Variants in IL1RAPL2 observed in about 807,000 individuals in gnomAD.
The protein encoded by IL1RAPL2 is interleukin 1 receptor accessory protein like 2.
Under a neutral mutation model 44.1 loss-of-function variants are expected in IL1RAPL2, and 3 were observed. That is an observed-to-expected ratio of 0.07 (90% CI 0.03 to 0.18). The LOEUF is 0.18. IL1RAPL2 is among the 10% of genes least tolerant of loss of function. The pLI, the probability that IL1RAPL2 is intolerant of heterozygous loss-of-function variation, is 1.00. For synonymous variants in IL1RAPL2, 181 were observed against 178.8 expected, an observed-to-expected ratio of 1.01 and a Z score of -0.10; for missense variants, 391 against 496.4, an observed-to-expected ratio of 0.79 and a Z score of 2.02.
chrX:105,545,429 A>G (rs1010909937), intron 6 of IL1RAPL2, among the ~76,000 whole-genome samples: 1 of 112,462 alleles, frequency 8.9e-6, no homozygotes, highest in Non-Finnish European at 1.9e-5. Flanking sequence ...AAAGAAAGTG[A>G]CTATTAACCA....
intron 2 of IL1RAPL2, among the ~76,000 whole-genome samples, chrX:104,849,726 C>A (rs965594114): frequency 2.7e-5 from 3 of 110,370 alleles, no homozygotes; most frequent in Non-Finnish European, 5.7e-5. Context: ...AATATGTTGA[C>A]AATTTTGAAT....
chrX:105,076,660 A>T (rs765804971), intron 2 of IL1RAPL2, among the ~76,000 whole-genome samples: 1 of 111,052 alleles, frequency 9.0e-6, no homozygotes, highest in African/African-American at 3.3e-5. Flanking sequence ...ATCTCCCATT[A>T]TTATTGTGTG....
chrX:105,276,234 C>T (rs1017098397), intron 5 of IL1RAPL2, among the ~76,000 whole-genome samples: 1 of 111,495 alleles, frequency 9.0e-6, no homozygotes, highest in Non-Finnish European at 1.9e-5. Flanking sequence ...GGAGAAACCC[C>T]ATCTCTACTA....
At chrX:104,808,342 C>T (rs1932938956) in intron 2 of IL1RAPL2, among the ~76,000 whole-genome samples, 1 of 111,436 alleles carries the variant, frequency 9.0e-6, no homozygotes, top group African/African-American at 3.3e-5. Flanking sequence ...TATTATTATG[C>T]CCATTTCATA....
chrX:105,033,271 G>A (rs1051147808), intron 2 of IL1RAPL2, among the ~76,000 whole-genome samples: 2 of 111,369 alleles, frequency 1.8e-5, no homozygotes, highest in East Asian at 2.8e-4. Flanking sequence ...TCATTATGAC[G>A]TTAGCTGGTT....
chrX:104,614,385 T>A (rs760284143), intron 1 of IL1RAPL2, among the ~76,000 whole-genome samples: 1 of 112,282 alleles, frequency 8.9e-6, no homozygotes, highest in Non-Finnish European at 1.9e-5. Context: ...TATTTCATTG[T>A]ATTCCAAGAG....
Position 105,461,599 on chromosome X carries a change from A to T in IL1RAPL2, c.698-22714A>T, listed in dbSNP as rs371051713. Among the ~76,000 whole-genome samples, 10 of 111,662 alleles carry T rather than the reference A, an allele frequency of 9.0e-5. No homozygotes were observed. In the South Asian group the frequency reaches 3.7e-3, roughly 42 times the overall value. On this transcript the variant is annotated intron_variant, in intron 5 of 10. Coordinates refer to ENST00000372582, the MANE Select transcript of IL1RAPL2 (RefSeq NM_017416.2). The stretch of plus-strand genomic sequence containing the variant: ...GCCCAAAGGCTCAGGCTGTCTGAAG[A>T]GTAAGCTTCTAGCTTCTCTTAGGCA...
intron 2 of IL1RAPL2, among the ~76,000 whole-genome samples, chrX:104,937,112 T>C (rs1001346381): frequency 8.9e-6 from 1 of 112,241 alleles, no homozygotes; most frequent in Non-Finnish European, 1.9e-5. Context: ...TTTGAAGAGC[T>C]ACCAAATTAT....
At chrX:105,081,647 C>T (rs1204367796) in intron 2 of IL1RAPL2, among the ~76,000 whole-genome samples, 1 of 111,657 alleles carries the variant, frequency 9.0e-6, no homozygotes, top group Admixed American at 9.5e-5. Flanking sequence ...AGATACATTC[C>T]ATCAATACCT....
At chrX:105,226,099 C>T (rs1286260939) in intron 3 of IL1RAPL2, among the ~76,000 whole-genome samples, 1 of 111,631 alleles carries the variant, frequency 9.0e-6, no homozygotes, top group African/African-American at 3.3e-5. Flanking sequence ...ATGCTTATGG[C>T]CCATTGTAAG....
At chrX:105,545,441 A>G (rs1227709526) in intron 6 of IL1RAPL2, among the ~76,000 whole-genome samples, 1 of 112,363 alleles carries the variant, frequency 8.9e-6, no homozygotes, top group African/African-American at 3.2e-5. Flanking sequence ...TATTAACCAA[A>G]ACTAGTAAAC....
chrX:105,276,750 C>A (rs1240323977), intron 5 of IL1RAPL2, among the ~76,000 whole-genome samples: 1 of 112,188 alleles, frequency 8.9e-6, no homozygotes, highest in Admixed American at 9.4e-5. Flanking sequence ...TTCAGTAGGA[C>A]TTTTATTAAA....
At chrX:105,453,297 C>A (rs149712286) in intron 5 of IL1RAPL2, among the ~76,000 whole-genome samples, 2,008 of 112,022 alleles carry the variant, frequency 0.018, 51 homozygotes, top group African/African-American at 0.062. Flanking sequence ...ATAAAGGTTT[C>A]TTTGGCCTAA....
chrX:105,171,380 T>C (rs1309057455), intron 2 of IL1RAPL2, among the ~76,000 whole-genome samples: 1 of 110,314 alleles, frequency 9.1e-6, no homozygotes, highest in African/African-American at 3.3e-5. Flanking sequence ...ATAGAGAGAA[T>C]AGGACTGTGG....
intron 1 of IL1RAPL2, among the ~76,000 whole-genome samples, chrX:104,585,241 A>T (rs10449025): frequency 1.3e-4 from 5 of 38,292 alleles, no homozygotes; most frequent in African/African-American, 5.9e-4. Flanking sequence ...TATATATATA[A>T]TATATGATAT....
At chrX:105,109,475 A>G (rs774284688) in intron 2 of IL1RAPL2, among the ~76,000 whole-genome samples, 18 of 112,165 alleles carry the variant, frequency 1.6e-4, no homozygotes, top group Non-Finnish European at 2.6e-4. Context: ...AACCTTGAAA[A>G]TATATAATAA....
intron 2 of IL1RAPL2, among the ~76,000 whole-genome samples, chrX:104,735,881 G>T (rs1195631236): frequency 1.8e-5 from 2 of 111,523 alleles, no homozygotes; most frequent in Non-Finnish European, 3.8e-5. Flanking sequence ...CATCTGCAGT[G>T]ATTTGTGCTC....
rs1040184196 is a variant in IL1RAPL2 at position 105,646,580 on chromosome X, A to G, written c.773-70787A>G. On this transcript the variant is annotated intron_variant, in intron 6 of 10. Coordinates refer to ENST00000372582, the MANE Select transcript of IL1RAPL2 (RefSeq NM_017416.2). ...TTTTTTTACCTAATCAATCAGGTGC[A>G]GTGGAAGATATAAAAACAGGTAAGG... Among the ~76,000 whole-genome samples, 52 of 111,957 alleles carry G rather than the reference A, an allele frequency of 4.6e-4. 1 individual carries two copies. The highest frequency in any genetic ancestry group is 5.4e-4 in the Non-Finnish European group (29 of 53,244).
chrX:104,865,245 C>A, intron 2 of IL1RAPL2, among the ~76,000 whole-genome samples: 2 of 111,753 alleles, frequency 1.8e-5, no homozygotes, highest in Non-Finnish European at 3.8e-5. Flanking sequence ...AGTCTTGATA[C>A]CTTTATCATA....
Sources: allele counts gnomAD v4.1 joint callset (sites outside exome capture counted in the v4.1 genomes callset), GRCh38; gene constraint gnomAD v4.1.1; transcripts MANE v1.5; gene names NCBI Gene and HGNC (gene_info 2026-07-23, HGNC 2026-07-21).